DTWD2: variants seen among roughly 807,000 people sequenced by gnomAD.
The protein encoded by DTWD2 is DTW motif tRNA-uridine aminocarboxypropyltransferase 2, also known as tRNA-uridine aminocarboxypropyltransferase 2.
DTWD2 carries 39 observed loss-of-function variants against 31.8 expected under a neutral mutation model. The observed-to-expected ratio is 1.22, with a 90% confidence interval of 0.95 to 1.60. DTWD2 has a LOEUF of 1.60. Ranked by LOEUF, DTWD2 falls within the 40% of genes most tolerant of loss-of-function variation. DTWD2 has a pLI of 0.00. For synonymous variants in DTWD2, 180 were observed against 142.8 expected (o/e 1.26, Z -1.86); for missense variants, 515 against 381.5 (o/e 1.35, Z -2.92).
At chr5:118,980,066 G>A (rs892254491) in intron 1 of DTWD2, among the ~76,000 whole-genome samples, 1 of 152,224 alleles carries the variant, frequency 6.6e-6, no homozygotes, top group African/African-American at 2.4e-5. Flanking sequence ...GGACTTTGGA[G>A]GTAATTCTCC....
rs28558824 is a variant in DTWD2 at position 118,954,078 on chromosome 5, C to T, written c.219-9429G>A. Among the ~76,000 whole-genome samples, 996 of 152,222 alleles carry T rather than the reference C, an allele frequency of 6.5e-3. 11 individuals carry two copies. Among genetic ancestry groups the T allele is most frequent in the African/African-American group, 8.3e-3 (343 of 41,524 alleles). On this transcript the variant is annotated intron_variant, in intron 1 of 5. Coordinates refer to ENST00000510708, the MANE Select transcript of DTWD2 (RefSeq NM_173666.4). Reference sequence around the variant, plus strand: ...TTGAGCACAGGAATTCGAGATCAGCCTAGGAAACATAGCAAGACCTCATCT... The same window carrying T: ...TTGAGCACAGGAATTCGAGATCAGCTTAGGAAACATAGCAAGACCTCATCT...
intron 2 of DTWD2, among the ~76,000 whole-genome samples, chr5:118,940,637 T>C (rs1259724050): frequency 6.6e-6 from 1 of 152,188 alleles, no homozygotes; most frequent in Non-Finnish European, 1.5e-5. Flanking sequence ...CAATTCTAAG[T>C]ACAATACAAA....
At chr5:118,859,521 G>A (rs898704070) in intron 4 of DTWD2, among the ~76,000 whole-genome samples, 6 of 152,082 alleles carry the variant, frequency 3.9e-5, no homozygotes, top group Non-Finnish European at 5.9e-5. Flanking sequence ...TTATGGATCC[G>A]TTCAATTGGC....
chr5:118,846,920 G>GCACACACACACACACACACA (rs144531960), intron 5 of DTWD2, among the ~76,000 whole-genome samples: 1 of 134,870 alleles, frequency 7.4e-6, no homozygotes, highest in Non-Finnish European at 1.6e-5. Context: ...AAACACACAG[G>GCACACACACACACACACACA]CACACACACA....
chr5:118,919,215 G>C (rs1164327098), intron 4 of DTWD2, among the ~76,000 whole-genome samples: 1 of 152,208 alleles, frequency 6.6e-6, no homozygotes, highest in Non-Finnish European at 1.5e-5. Context: ...ATCTGCTGGT[G>C]CAAGAGTTGG....
At chr5:118,940,053 T>G (rs1754145519) in intron 2 of DTWD2, among the ~76,000 whole-genome samples, 1 of 152,210 alleles carries the variant, frequency 6.6e-6, no homozygotes, top group Non-Finnish European at 1.5e-5. Flanking sequence ...GGGCTGGATT[T>G]ATGGCCTTGC....
intron 4 of DTWD2, among the ~76,000 whole-genome samples, chr5:118,871,082 CAGG>C (rs1329855499): frequency 2.6e-5 from 4 of 151,942 alleles, no homozygotes; most frequent in African/African-American, 9.7e-5. Flanking sequence ...GCATCTTCAC[CAGG>C]AGTAGATTCC....
At chr5:118,924,415 T>C (rs1325286604) in intron 4 of DTWD2, among the ~76,000 whole-genome samples, 1 of 152,200 alleles carries the variant, frequency 6.6e-6, no homozygotes, top group East Asian at 1.9e-4. Context: ...ATGATCTATA[T>C]ATGTCCTCGT....
At chr5:118,896,094 C>T (rs1237289216) in intron 4 of DTWD2, among the ~76,000 whole-genome samples, 1 of 152,050 alleles carries the variant, frequency 6.6e-6, no homozygotes, top group Non-Finnish European at 1.5e-5. Flanking sequence ...TGAACATACT[C>T]AAATGTAAAA....
intron 3 of DTWD2, among the ~76,000 whole-genome samples, chr5:118,937,637 A>G (rs1754074694): frequency 6.6e-6 from 1 of 152,208 alleles, no homozygotes; most frequent in South Asian, 2.1e-4. Context: ...AGTCATATGA[A>G]TAAGCTCCCC....
intron 4 of DTWD2, 35 bp downstream of exon 4, chr5:118,928,501 AT>A: frequency 7.4e-7 from 1 of 1,352,774 alleles, no homozygotes; most frequent in Non-Finnish European, 9.7e-7. Flanking sequence ...CTAATTATAT[AT>A]TTATATTTAT....
intron 4 of DTWD2, among the ~76,000 whole-genome samples, chr5:118,922,078 TACAA>T (rs1363525334): frequency 6.6e-6 from 1 of 152,220 alleles, no homozygotes; most frequent in African/African-American, 2.4e-5. Flanking sequence ...CAGGAGCCTC[TACAA>T]ACATTTCCAT....
intron 1 of DTWD2, among the ~76,000 whole-genome samples, chr5:118,984,793 T>TATTCC (rs1263753472): frequency 1.3e-5 from 2 of 152,158 alleles, no homozygotes; most frequent in Non-Finnish European, 2.9e-5. Context: ...TGCAAGTGGT[T>TATTCC]TATGACTCAT....
intron 4 of DTWD2, among the ~76,000 whole-genome samples, chr5:118,884,514 T>C (rs1483510065): frequency 6.6e-6 from 1 of 152,176 alleles, no homozygotes; most frequent in Non-Finnish European, 1.5e-5. Context: ...AATACATATT[T>C]AAATTTATCT....
intron 1 of DTWD2, among the ~76,000 whole-genome samples, chr5:118,967,500 T>C (rs948128996): frequency 9.9e-5 from 15 of 152,152 alleles, no homozygotes; most frequent in African/African-American, 3.4e-4. Context: ...GCCTGGATCA[T>C]CTTACAGTGT....
At chr5:118,974,787 T>G in intron 1 of DTWD2, 1 of 390,846 alleles carries the variant, frequency 2.6e-6, no homozygotes, top group Non-Finnish European at 5.2e-6. Context: ...AACAGGAATT[T>G]TATTTTGCTG....
At position 118,907,350 on chromosome 5, in the gene DTWD2, G is replaced by T. The variant is rs111930702; in HGVS notation, c.597+21187C>A. On this transcript the variant is annotated intron_variant, in intron 4 of 5. Transcript: ENST00000510708. ...ACAGAACTATTAGGATATATATAGA[G>T]AGAGAGAGAAAGAGATTTCTTATAA... Among the ~76,000 whole-genome samples the T allele has an allele frequency of 7.5e-3, 1,147 of 152,184 alleles. 16 individuals are homozygous for T. Among genetic ancestry groups the T allele is most frequent in the African/African-American group, 0.023 (970 of 41,528 alleles).
chr5:118,960,053 A>G (rs1243225648), intron 1 of DTWD2, among the ~76,000 whole-genome samples: 1 of 152,240 alleles, frequency 6.6e-6, no homozygotes, highest in African/African-American at 2.4e-5. Context: ...TATGATGAAG[A>G]TGCTAAAAGC....
At chr5:118,893,023 AAT>A (rs371110027) in intron 4 of DTWD2, among the ~76,000 whole-genome samples, 6 of 150,494 alleles carry the variant, frequency 4.0e-5, no homozygotes, top group Admixed American at 6.7e-5. Flanking sequence ...TTAAGTTAAA[AAT>A]ATATATATAT....
Sources: gnomAD v4.1 joint callset for allele counts (sites outside exome capture counted in the v4.1 genomes callset) on GRCh38, gnomAD v4.1.1 for gene constraint, MANE v1.5 for transcripts, NCBI Gene and HGNC (gene_info 2026-07-23, HGNC 2026-07-21) for gene names.